RTL4: variants seen among roughly 807,000 people sequenced by gnomAD.
RTL4 encodes retrotransposon Gag-like protein 4.
Under a neutral mutation model 5.3 loss-of-function variants are expected in RTL4, and 4 were observed. That is an observed-to-expected ratio of 0.75 (90% CI 0.37 to 1.72). The LOEUF (loss-of-function observed/expected upper bound fraction) is 1.72, where lower values mean the gene tolerates loss of function less well. Ranked by LOEUF, RTL4 falls within the 40% of genes most tolerant of loss-of-function variation. The pLI, the probability that RTL4 is intolerant of heterozygous loss-of-function variation, is 0.04. For missense variants in RTL4, 260 were observed against 227.1 expected (o/e 1.14, Z -0.93); for synonymous variants, 98 against 87.3 (o/e 1.12, Z -0.68).
the RTL4 span, among the ~76,000 whole-genome samples, chrX:112,254,482 A>G: frequency 1.0e-3 from 113 of 110,579 alleles, 1 homozygote; most frequent in Non-Finnish European, 1.1e-4. Context: ...AGCACACGCC[A>G]CTACGCCCAG....
chrX:112,449,426 A>G, the RTL4 span, among the ~76,000 whole-genome samples: 1 of 97,514 alleles, frequency 1.0e-5, no homozygotes, highest in East Asian at 3.1e-4. Flanking sequence ...TTGGAGCCAA[A>G]TATTTTCTAC....
chrX:112,349,110 C>T, the RTL4 span, among the ~76,000 whole-genome samples: 3 of 110,588 alleles, frequency 2.7e-5, no homozygotes, highest in East Asian at 8.7e-4. Context: ...GCTCAAGAGT[C>T]CATGCTCTTA....
chrX:112,217,840 G>T, the RTL4 span, among the ~76,000 whole-genome samples: 1 of 111,441 alleles, frequency 9.0e-6, no homozygotes, highest in Non-Finnish European at 1.9e-5. Flanking sequence ...ATTTCATTAA[G>T]ACTTAATTCT....
At chrX:112,447,248 A>T in the RTL4 span, among the ~76,000 whole-genome samples, 2 of 111,999 alleles carry the variant, frequency 1.8e-5, 1 homozygote, top group South Asian at 7.5e-4. Flanking sequence ...GGAGCTACTG[A>T]CAAAGATGTT....
At chrX:112,093,674 T>TA in the RTL4 span, among the ~76,000 whole-genome samples, 3 of 112,009 alleles carry the variant, frequency 2.7e-5, no homozygotes, top group Non-Finnish European at 5.6e-5. Flanking sequence ...TGATAGTTGT[T>TA]AAAATAGAGG....
the RTL4 span, among the ~76,000 whole-genome samples, chrX:112,101,409 C>G: frequency 2.7e-5 from 3 of 111,146 alleles, no homozygotes; most frequent in Non-Finnish European, 5.7e-5. Flanking sequence ...AGCTACATGA[C>G]TTTTTGTCAA....
the RTL4 span, among the ~76,000 whole-genome samples, chrX:112,169,170 A>G: frequency 9.7e-6 from 1 of 103,348 alleles, no homozygotes; most frequent in African/African-American, 3.6e-5. Flanking sequence ...TGGAGTGTGC[A>G]ATGGTGCGTT....
chrX:112,198,082 A>T, the RTL4 span, among the ~76,000 whole-genome samples: 1 of 111,758 alleles, frequency 8.9e-6, no homozygotes, highest in Admixed American at 9.5e-5. Context: ...TCACCAAAAA[A>T]AATGTGACTA....
chrX:112,169,823 T>C, the RTL4 span, among the ~76,000 whole-genome samples: 1 of 111,791 alleles, frequency 8.9e-6, no homozygotes, highest in African/African-American at 3.3e-5. Flanking sequence ...CTGATGACAA[T>C]GTCTTGACTC....
chrX:112,297,961 T>C, the RTL4 span, among the ~76,000 whole-genome samples: 1 of 111,717 alleles, frequency 9.0e-6, no homozygotes, highest in African/African-American at 3.3e-5. Context: ...GACTTAATCA[T>C]GTCTGTATAC....
the RTL4 span, among the ~76,000 whole-genome samples, chrX:112,292,877 A>G: frequency 3.0e-3 from 335 of 111,956 alleles, 1 homozygote; most frequent in African/African-American, 0.01. Context: ...GAGAAAGATC[A>G]TACTAGAAAA....
At chrX:112,432,066 T>G in the RTL4 span, among the ~76,000 whole-genome samples, 2 of 106,711 alleles carry the variant, frequency 1.9e-5, no homozygotes, top group South Asian at 8.7e-4. Flanking sequence ...GAACTCATCA[T>G]TTTTTATGGC....
chrX:112,232,469 A>G, the RTL4 span, among the ~76,000 whole-genome samples: 1 of 112,109 alleles, frequency 8.9e-6, no homozygotes, highest in African/African-American at 3.2e-5. Flanking sequence ...CATTTTCTGT[A>G]TTTTTGCATC....
chrX:112,326,468 A>G, the RTL4 span, among the ~76,000 whole-genome samples: 6 of 111,934 alleles, frequency 5.4e-5, no homozygotes, highest in African/African-American at 1.9e-4. Flanking sequence ...ACGGCGCACC[A>G]GGAGATTATA....
the RTL4 span, among the ~76,000 whole-genome samples, chrX:112,106,911 A>T: frequency 0.16 from 18,023 of 110,971 alleles, 2,188 homozygotes; most frequent in African/African-American, 0.42. Flanking sequence ...TATATTCTGG[A>T]TATTAATGCC....
chrX:112,404,586 TA>T, the RTL4 span, among the ~76,000 whole-genome samples: 1 of 112,444 alleles, frequency 8.9e-6, no homozygotes, highest in Non-Finnish European at 1.9e-5. Context: ...AGTTTTATAG[TA>T]AAAAAGAAAG....
the RTL4 span, among the ~76,000 whole-genome samples, chrX:112,181,867 C>T: frequency 8.9e-6 from 1 of 111,857 alleles, no homozygotes; most frequent in Non-Finnish European, 1.9e-5. Context: ...GGGTCCCTGA[C>T]CCGTGCTCCT....
the RTL4 span, among the ~76,000 whole-genome samples, chrX:112,200,908 A>T: frequency 8.9e-6 from 1 of 111,945 alleles, no homozygotes; most frequent in Admixed American, 9.5e-5. Flanking sequence ...TGTACAAAGC[A>T]AGACGAGGGA....
the RTL4 span, among the ~76,000 whole-genome samples, chrX:112,286,745 A>G: frequency 8.9e-6 from 1 of 111,896 alleles, no homozygotes; most frequent in East Asian, 2.8e-4. Flanking sequence ...ATCCATTGCT[A>G]GAGTCTATTG....
Sources: allele counts gnomAD v4.1 joint callset (sites outside exome capture counted in the v4.1 genomes callset), GRCh38; gene constraint gnomAD v4.1.1; transcripts MANE v1.5; gene names NCBI Gene and HGNC (gene_info 2026-07-23, HGNC 2026-07-21).